Variants in NFASC observed in about 807,000 individuals in gnomAD.
NFASC encodes the protein neurofascin homolog.
A neutral mutation model predicts 147.5 loss-of-function variants in NFASC; 43 were observed. That is an observed-to-expected ratio of 0.29 (90% CI 0.23 to 0.38). The LOEUF (loss-of-function observed/expected upper bound fraction) is 0.38. Ranked by LOEUF, NFASC falls within the 10% of genes least tolerant of loss-of-function variation. NFASC has a pLI of 1.00. For synonymous variants in NFASC, 622 were observed against 665.5 expected (o/e 0.93, Z 1.01); for missense variants, 1,320 against 1,689.0 (o/e 0.78, Z 3.83).
At chr1:204,924,395 A>C (rs188295412) in intron 2 of NFASC, among the ~76,000 whole-genome samples, 49 of 152,304 alleles carry the variant, frequency 3.2e-4, no homozygotes, top group African/African-American at 1.2e-3. Flanking sequence ...AAAAAATGCA[A>C]CCGGGGATGT....
At chr1:204,846,534 C>A (rs935504714) in intron 1 of NFASC, among the ~76,000 whole-genome samples, 1 of 152,120 alleles carries the variant, frequency 6.6e-6, no homozygotes, top group South Asian at 2.1e-4. Flanking sequence ...TAGTTCTCTC[C>A]TGGGCCTCTG....
intron 1 of NFASC, among the ~76,000 whole-genome samples, chr1:204,856,959 T>A (rs1460340080): frequency 6.6e-6 from 1 of 152,240 alleles, no homozygotes; most frequent in Non-Finnish European, 1.5e-5. Flanking sequence ...ACCTTTCTGC[T>A]ATTATGCATA....
chr1:204,978,134 CAT>C (rs1259675360), intron 17 of NFASC, among the ~76,000 whole-genome samples: 2 of 152,238 alleles, frequency 1.3e-5, no homozygotes, highest in African/African-American at 4.8e-5. Flanking sequence ...TCTACACACA[CAT>C]GCCACACATA....
At chr1:204,882,757 A>C (rs1030616422) in intron 1 of NFASC, among the ~76,000 whole-genome samples, 5 of 152,100 alleles carry the variant, frequency 3.3e-5, no homozygotes, top group African/African-American at 1.2e-4. Context: ...ATTCTGGGAG[A>C]ATGTTTACCA....
At position 204,975,518 on chromosome 1, in the gene NFASC, C is replaced by T. The variant is rs72753407; in HGVS notation, c.1706+100C>T. 40,133 of 1,456,054 alleles carry T rather than the reference C, an allele frequency of 0.028. 719 individuals carry two copies. The highest frequency in any genetic ancestry group is 0.075 in the Middle Eastern group (417 of 5,528). The allele number at this position is 1,456,054 out of a possible 1,614,324, so 90.2% of individuals were successfully genotyped here. On this transcript the variant is annotated intron_variant, in intron 15 of 29. Transcript: ENST00000339876. This position sits in a 1 kb window ranked among gnomAD's most constrained non-coding sequence, Gnocchi z 4.0. ...TGGAAGAACACAGGGACAGGGAACC[C>T]GTGTCATGCATGTCACCAAGGAGCT...
In NFASC at chr1:204,828,674, T is replaced by G. The variant is rs1391193294; in HGVS notation, c.-308T>G. 2.0e-6 allele frequency: 2 copies of G among 984,954 alleles called. No homozygotes were observed. Among genetic ancestry groups the G allele is most frequent in the African/African-American group, 3.5e-5 (2 of 57,074 alleles). The allele number at this position is 984,954 out of a possible 1,614,324, so 61.0% of individuals were successfully genotyped here. A position where few individuals can be genotyped will look rare whatever the true frequency, so the allele number is the denominator to read the frequency against. On this transcript the variant is annotated 5_prime_UTR_variant, in exon 1 of 30. Transcript: ENST00000339876. ...GACGCGCACGGGCTGGTCTCTGCCCTAATGCGGCGGCTGGCGGCGAGAGGC... is the reference window on the plus strand; with the variant it reads ...GACGCGCACGGGCTGGTCTCTGCCCGAATGCGGCGGCTGGCGGCGAGAGGC...
At chr1:205,011,202 C>T (rs572029236) in intron 28 of NFASC, among the ~76,000 whole-genome samples, 1 of 108,686 alleles carries the variant, frequency 9.2e-6, no homozygotes, top group South Asian at 2.8e-4. Context: ...AGGTCCTCCC[C>T]CAGGACCCCC....
intron 2 of NFASC, among the ~76,000 whole-genome samples, chr1:204,922,911 C>G (rs1319343168): frequency 6.6e-6 from 1 of 152,190 alleles, no homozygotes; most frequent in African/African-American, 2.4e-5. Flanking sequence ...AGCATCTCAG[C>G]ACTCCCCGTG....
At chr1:204,941,534 C>T (rs1573434736) in intron 2 of NFASC, among the ~76,000 whole-genome samples, 2 of 152,340 alleles carry the variant, frequency 1.3e-5, no homozygotes, top group South Asian at 2.1e-4. Flanking sequence ...ACATGGTGGT[C>T]GTGGAGCCCG....
At chr1:204,950,718 C>A (rs771276426) in intron 4 of NFASC, 144 bp downstream of exon 4, 2 of 766,546 alleles carry the variant, frequency 2.6e-6, no homozygotes, top group East Asian at 2.7e-5. Context: ...TATCTTACTG[C>A]GGGGGAAGGA....
intron 2 of NFASC, among the ~76,000 whole-genome samples, chr1:204,934,714 A>G (rs2092685441): frequency 6.6e-6 from 1 of 152,206 alleles, no homozygotes; most frequent in African/African-American, 2.4e-5. Flanking sequence ...TTCATGAATC[A>G]CATTGCCGCC....
rs565610127 is a variant in NFASC, at chr1:204,899,046, G to A, written c.-199-21586G>A. ...GGAGGCACAGCTCCTGCGAAGTCCG[G>A]ACTGGAGGGGAGAAACAGACCTGCC... On this transcript the variant is annotated intron_variant, in intron 1 of 29. Transcript: ENST00000339876. Among the ~76,000 whole-genome samples, 23 of 152,296 alleles carry A rather than the reference G, an allele frequency of 1.5e-4. 1 individual carries two copies. In the Middle Eastern group the frequency reaches 0.02, roughly 135 times the overall value.
intron 27 of NFASC, among the ~76,000 whole-genome samples, chr1:205,004,386 C>G (rs2096063460): frequency 6.6e-6 from 1 of 152,220 alleles, no homozygotes; most frequent in South Asian, 2.1e-4. Flanking sequence ...ACTCATTTCT[C>G]TTTTCTTGCA....
At chr1:204,870,454 A>C (rs955827426) in intron 1 of NFASC, 1 of 160,268 alleles carries the variant, frequency 6.2e-6, no homozygotes, top group African/African-American at 2.4e-5. Context: ...GGACGTGTGC[A>C]TGGGGGAGGG....
intron 2 of NFASC, among the ~76,000 whole-genome samples, chr1:204,933,712 A>T (rs2092571964): frequency 6.6e-6 from 1 of 151,878 alleles, no homozygotes; most frequent in African/African-American, 2.4e-5. Context: ...GGAGAGTTAG[A>T]GGAGCATGAG....
Position 204,876,351 on chromosome 1 carries a change from GA to G in NFASC, c.-199-44274del, listed in dbSNP as rs554482617. On this transcript the variant is annotated intron_variant, in intron 1 of 29. Coordinates refer to ENST00000339876, the MANE Select transcript of NFASC (RefSeq NM_001005388.3). ...TTTTAAGGATACTTTCAGCTCTAGGGAAAAAAAGATATAAACTAAAGCCAAA... is the reference window on the plus strand; with the variant it reads ...TTTTAAGGATACTTTCAGCTCTAGGGAAAAAAGATATAAACTAAAGCCAAA... Among the ~76,000 whole-genome samples the G allele has an allele frequency of 2.9e-3, 433 of 151,826 alleles. 4 individuals are homozygous for G. Among genetic ancestry groups the G allele is most frequent in the African/African-American group, 1.0e-2 (414 of 41,438 alleles).
intron 1 of NFASC, among the ~76,000 whole-genome samples, chr1:204,881,210 G>A (rs1298473984): frequency 6.6e-6 from 1 of 152,186 alleles, no homozygotes; most frequent in Admixed American, 6.5e-5. Flanking sequence ...CTAGGGACTG[G>A]ACCCCAGGTT....
chr1:204,948,632 G>T (rs758838960), intron 3 of NFASC: 37 of 518,960 alleles, frequency 7.1e-5, no homozygotes, highest in Non-Finnish European at 1.4e-4. Flanking sequence ...TGGGAGAGCT[G>T]GTTCTCCTTC....
intron 1 of NFASC, among the ~76,000 whole-genome samples, chr1:204,889,258 A>G (rs148748298): frequency 9.1e-4 from 138 of 152,370 alleles, no homozygotes; most frequent in African/African-American, 3.2e-3. Flanking sequence ...CCTTCTGTCA[A>G]TGAAGTTAAA....
Sources: gnomAD v4.1 joint callset for allele counts (sites outside exome capture counted in the v4.1 genomes callset) on GRCh38, gnomAD v4.1.1 for gene constraint, Gnocchi (gnomAD v3.1) non-coding constraint, MANE v1.5 for transcripts, NCBI Gene and HGNC (gene_info 2026-07-23, HGNC 2026-07-21) for gene names.